IFI6: variants seen among roughly 807,000 people sequenced by gnomAD.
The protein encoded by IFI6 is interferon alpha inducible protein 6.
A neutral mutation model predicts 12.7 loss-of-function variants in IFI6; 10 were observed. That is an observed-to-expected ratio of 0.79 (90% CI 0.49 to 1.33). IFI6 has a LOEUF of 1.33. Among genes scored for constraint, IFI6 ranks in the 40% most tolerant of loss-of-function variants. The pLI is 0.00. For synonymous variants in IFI6, 89 were observed against 86.2 expected (o/e 1.03, Z -0.18); for missense variants, 154 against 180.4 (o/e 0.85, Z 0.84).
At position 27,668,350 on chromosome 1, in the gene IFI6, C is replaced by T. The variant is rs1318625058; in HGVS notation, c.174G>A (p.Ala58=). 9 of 1,568,192 alleles carry T rather than the reference C, an allele frequency of 5.7e-6. No homozygotes were observed. Among genetic ancestry groups the T allele is most frequent in the African/African-American group, 1.4e-5 (1 of 73,424 alleles). Residue 58 remains alanine, a synonymous_variant, in exon 4 of 5, where the codon GCG becomes GCA. Coordinates refer to ENST00000361157, the MANE Select transcript of IFI6 (RefSeq NM_002038.4). ...CGATGCCGGCGCCGGTGAAGCCCAG[C>T]GCGGGCAGCCCGGCGACTGCGAGTC... ...GGGLAVAGLP[A]LGFTGAGIAA...
In IFI6 at chr1:27,668,307, C is replaced by A; in HGVS notation, c.217G>T (p.Ala73Ser). 1 of 1,579,700 alleles carries A rather than the reference C, an allele frequency of 6.3e-7. No individual in the cohort carries two copies. The highest frequency in any genetic ancestry group is 1.8e-5 in the Admixed American group (1 of 57,014). Residue 73 changes from alanine to serine, a missense_variant, in exon 4 of 5, where the codon GCC (alanine) becomes TCC (serine). Transcript: ENST00000361157. ...ATCGCAGACCAGCTCATCAGCGAGGCAGCCACCGAGTTGGCCGCGATGCCG... is the reference window on the plus strand; with the variant it reads ...ATCGCAGACCAGCTCATCAGCGAGGAAGCCACCGAGTTGGCCGCGATGCCG... ...GAGIAANSVA[A>S]SLMSWSAILN...
At chr1:27,667,928 G>A (rs184805184) in intron 4 of IFI6, among the ~76,000 whole-genome samples, 32 of 152,280 alleles carry the variant, frequency 2.1e-4, no homozygotes, top group South Asian at 2.1e-4. Flanking sequence ...AAAATTAGCC[G>A]GGCGTGGTGG....
chr1:27,669,053 CCG>C (rs1459015841), intron 2 of IFI6, among the ~76,000 whole-genome samples, 190 bp downstream of exon 2: 32 of 3,160 alleles, frequency 0.01, 1 homozygote, highest in African/African-American at 0.021. Context: ...GCATCCTTAC[CCG>C]CATCCTTACC....
At chr1:27,671,410 T>G (rs2148545989) in intron 1 of IFI6, among the ~76,000 whole-genome samples, 1 of 149,688 alleles carries the variant, frequency 6.7e-6, no homozygotes, top group East Asian at 2.0e-4. Flanking sequence ...AGATGGAGTC[T>G]TTCTCTGTCG....
intron 1 of IFI6, chr1:27,669,601 T>C: frequency 2.3e-6 from 1 of 438,590 alleles, no homozygotes. Context: ...GCTCCGCAGA[T>C]GTCAATATCA....
intron 4 of IFI6, 21 bp downstream of exon 4, chr1:27,668,205 G>A (rs1327294993): frequency 1.4e-6 from 2 of 1,467,236 alleles, no homozygotes; most frequent in Non-Finnish European, 9.0e-7. Context: ...GTCCCACCAG[G>A]GGCCCAGGCC....
intron 4 of IFI6, among the ~76,000 whole-genome samples, chr1:27,666,878 C>T (rs1033754699): frequency 1.3e-5 from 2 of 152,106 alleles, no homozygotes; most frequent in African/African-American, 4.8e-5. Flanking sequence ...ACACTCTTCC[C>T]CTCCCATTGC....
Position 27,666,474 on chromosome 1 carries a change from C to G in IFI6, c.300G>C (p.Gly100=). The change falls in exon 5 of 5, where the codon GGG becomes GGC. Residue 100 remains glycine, a splice_region_variant and synonymous_variant. Transcript: ENST00000361157. The stretch of plus-strand genomic sequence containing the variant: ...CTATGACGACGCTGCTGCCACCAGC[C>G]CCTGTAAAGCAAACACAGATGAGTC... ...GGLVATLQSL[G]AGGSSVVIGN... 1 of 1,612,510 alleles carries G rather than the reference C, an allele frequency of 6.2e-7. No individual in the cohort carries two copies. Among genetic ancestry groups the G allele is most frequent in the Non-Finnish European group, 8.5e-7 (1 of 1,178,950 alleles).
At chr1:27,668,412 C>A (rs1386511756) in intron 3 of IFI6, 37 bp from the exon 4 acceptor site, 1 of 1,584,912 alleles carries the variant, frequency 6.3e-7, no homozygotes. Flanking sequence ...GCGTCCGCGG[C>A]AGAGGCCCGC....
Position 27,668,460 on chromosome 1 carries a change from C to T in IFI6, c.146G>A (p.Gly49Glu), listed in dbSNP as rs780483608. 6.2e-6 allele frequency: 10 copies of T among 1,610,330 alleles called. No homozygotes were observed. The African/African-American group carries it at 1.2e-4, about 19-fold the overall frequency. The change falls in exon 3 of 5, where the codon GGA (glycine) becomes GAA (glutamate). Residue 49 changes from glycine (G) to glutamate (E), a missense_variant and splice_region_variant. Coordinates refer to ENST00000361157, the MANE Select transcript of IFI6 (RefSeq NM_002038.4). ...WKALTFMAVG[G>E]GLAVAGLPAL... ...AGATCCTCGCCCTCCAGACCCACCT[C>T]CTCCGACGGCCATGAAGGTCAGGGC...
rs2090348721 is a variant in IFI6, at chr1:27,666,143, A to G, written c.*238T>C. ...ATAGACAAAGTTCTGGATTCTGGGC[A>G]TCGTCGGCGCATGCTTGTAATCCTA... On this transcript the variant is annotated 3_prime_UTR_variant, in exon 5 of 5. Transcript: ENST00000361157. The G allele has an allele frequency of 1.3e-5, 5 of 388,242 alleles. No homozygotes were observed. The highest frequency in any genetic ancestry group is 1.9e-5 in the Non-Finnish European group (4 of 215,228). The allele number at this position is 388,242 out of a possible 1,614,324, so 24.0% of individuals were successfully genotyped here.
At chr1:27,669,201 A>ACCCTTACCTGTC in intron 2 of IFI6, 44 bp downstream of exon 2, 2 of 1,545,796 alleles carry the variant, frequency 1.3e-6, no homozygotes, top group Non-Finnish European at 1.8e-6. Context: ...CCTTACCTGC[A>ACCCTTACCTGTC]CCCTTACCTG....
In IFI6 at chr1:27,669,561, C is replaced by A. The variant is rs2090388753; in HGVS notation, c.-32-215G>T. ...AACCGGTGGGTGTGCGGATTCTGTG[C>A]GGATTCGCACGGTGTTTGGCACGTG... is the stretch of plus-strand genomic sequence containing the variant. On this transcript the variant is annotated intron_variant, in intron 1 of 4. Coordinates refer to ENST00000361157, the MANE Select transcript of IFI6 (RefSeq NM_002038.4). 10 of 503,044 alleles carry A rather than the reference C, an allele frequency of 2.0e-5. No homozygotes were observed. The South Asian group carries it at 2.0e-4, about 10-fold the overall frequency. The allele number at this position is 503,044 out of a possible 1,614,324, so 31.2% of individuals were successfully genotyped here. A position where few individuals can be genotyped will look rare whatever the true frequency, so the allele number is the denominator to read the frequency against.
Position 27,668,353 on chromosome 1 carries a change from G to T in IFI6, c.171C>A (p.Pro57=), listed in dbSNP as rs534851680. The T allele has an allele frequency of 8.9e-6, 14 of 1,568,428 alleles. No homozygotes were observed. The East Asian group carries it at 3.3e-4, about 37-fold the overall frequency. ...VGGGLAVAGL[P]ALGFTGAGIA... ...TGCCGGCGCCGGTGAAGCCCAGCGC[G>T]GGCAGCCCGGCGACTGCGAGTCCTG... The change falls in exon 4 of 5, where the codon CCC becomes CCA. Residue 57 remains proline, a synonymous_variant. Transcript: ENST00000361157.
Position 27,671,965 on chromosome 1 carries a change from T to A in IFI6, c.-33+158A>T, listed in dbSNP as rs1287891257. Among the ~76,000 whole-genome samples the A allele has an allele frequency of 2.0e-5, 3 of 152,144 alleles. No homozygotes were observed. In the East Asian group the frequency reaches 5.8e-4, roughly 29 times the overall value. ...CCTAAAAATCTCCAACCCATCCTCT[T>A]AGACAAGTCCCAGCCCAGAGCACTA... On this transcript the variant is annotated intron_variant, in intron 1 of 4. Transcript: ENST00000361157.
At chr1:27,667,344 A>G (rs1279145692) in intron 4 of IFI6, among the ~76,000 whole-genome samples, 1 of 146,654 alleles carries the variant, frequency 6.8e-6, no homozygotes, top group Admixed American at 6.9e-5. Context: ...TAAACCTGGG[A>G]GTTCGAGGCT....
chr1:27,669,042 TGCATCCTTACCC>T (rs1474018298), intron 2 of IFI6, among the ~76,000 whole-genome samples, 191 bp downstream of exon 2: 28 of 2,054 alleles, frequency 0.014, 2 homozygotes, highest in African/African-American at 0.021. Context: ...CATCCTTACC[TGCATCCTTACCC>T]GCATCCTTAC....
rs566950553 is a variant in IFI6, at chr1:27,668,335, G to A, written c.189C>T (p.Gly63=). 3 of 1,569,616 alleles carry A rather than the reference G, an allele frequency of 1.9e-6. No homozygotes were observed. The highest frequency in any genetic ancestry group is 1.4e-5 in the African/African-American group (1 of 73,702). The change falls in exon 4 of 5, where the codon GGC becomes GGT. Residue 63 remains glycine (G), a synonymous_variant. Transcript: ENST00000361157. The part of the protein sequence containing the change: ...VAGLPALGFT[G]AGIAANSVAA... ...CCACCGAGTTGGCCGCGATGCCGGC[G>A]CCGGTGAAGCCCAGCGCGGGCAGCC... is the stretch of plus-strand genomic sequence containing the variant.
intron 4 of IFI6, among the ~76,000 whole-genome samples, chr1:27,667,103 ATTTTTTATGAGTCACTCTGGGC>A (rs1312790489): frequency 6.6e-6 from 1 of 151,606 alleles, no homozygotes; most frequent in Non-Finnish European, 1.5e-5. Context: ...AAGTAAGGCC[ATTTTTTATGAGTCACTCTGGGC>A]CAGCACAGTG....
Sources: allele counts gnomAD v4.1 joint callset (sites outside exome capture counted in the v4.1 genomes callset), GRCh38; gene constraint gnomAD v4.1.1; transcripts MANE v1.5; gene names NCBI Gene and HGNC (gene_info 2026-07-23, HGNC 2026-07-21).